Variants in COPS9 observed in about 807,000 individuals in gnomAD.
COPS9 encodes the protein COP9 signalosome subunit 9.
In COPS9, 8 loss-of-function variants were observed where a neutral mutation model predicts 7.2. The ratio of observed to expected loss-of-function variants is 1.11; its 90% confidence interval spans 0.65 to 2.00. COPS9 has a LOEUF of 2.00. COPS9 is among the 30% of genes most tolerant of loss of function. The pLI, the probability that COPS9 is intolerant of heterozygous loss-of-function variation, is 0.00. For missense variants in COPS9, 74 were observed against 77.7 expected, an observed-to-expected ratio of 0.95 and a Z score of 0.18; for synonymous variants, 39 against 28.7, an observed-to-expected ratio of 1.36 and a Z score of -1.14.
chr2:240,131,873 G>A (rs539182355), intron 2 of COPS9, among the ~76,000 whole-genome samples: 2 of 152,302 alleles, frequency 1.3e-5, no homozygotes, highest in East Asian at 3.9e-4. Context: ...ACTCCTGGAG[G>A]GTCAGAGCGA....
intron 1 of COPS9, among the ~76,000 whole-genome samples, chr2:240,135,707 G>T (rs957950417): frequency 6.6e-6 from 1 of 152,190 alleles, no homozygotes; most frequent in Non-Finnish European, 1.5e-5. Context: ...CTCCTTTTCC[G>T]CTCCGACAGG....
At chr2:240,129,961 C>T, downstream of COPS9, 1 of 1,614,036 alleles carries the variant, frequency 6.2e-7, no homozygotes, top group Non-Finnish European at 8.5e-7. Flanking sequence ...ACCCCGTGCT[C>T]CGACTGCCCT....
At chr2:240,134,899 C>T (rs1170984977) in intron 1 of COPS9, among the ~76,000 whole-genome samples, 1 of 152,156 alleles carries the variant, frequency 6.6e-6, no homozygotes, top group African/African-American at 2.4e-5. Context: ...TTTTTCTACC[C>T]TCTCACCCGT....
rs980223834 is a variant in COPS9, at chr2:240,131,022, C to T, written c.*29G>A. The T allele has an allele frequency of 1.2e-6, 2 of 1,611,794 alleles. No homozygotes were observed. The highest frequency in any genetic ancestry group is 1.7e-5 in the Admixed American group (1 of 59,784). On this transcript the variant is annotated 3_prime_UTR_variant, in exon 3 of 3. Coordinates refer to ENST00000607357, the MANE Select transcript of COPS9 (RefSeq NM_001163424.2). ...TCACACTGCGGCTCTGTACCAAGGG[C>T]TTGGCCCCGCCTGCAGCCAGAGGGC...
chr2:240,129,728 G>A (rs577347249), downstream of COPS9, among the ~76,000 whole-genome samples: 6 of 152,200 alleles, frequency 3.9e-5, no homozygotes, highest in Non-Finnish European at 7.3e-5. Context: ...CAACTCTCAC[G>A]AAATGAATTG....
chr2:240,129,799 C>T (rs2071902143), downstream of COPS9: 5 of 879,926 alleles, frequency 5.7e-6, no homozygotes, highest in Admixed American at 4.3e-5. Context: ...CACGCCTGGC[C>T]GCTGGAAACC....
At chr2:240,134,083 C>A in intron 1 of COPS9, 78 bp from the exon 2 acceptor site, 4 of 1,328,902 alleles carry the variant, frequency 3.0e-6, no homozygotes, top group South Asian at 1.2e-5. Flanking sequence ...AGGGCCACTA[C>A]CCCCACAAAA....
chr2:240,130,150 G>A, downstream of COPS9: 1 of 719,816 alleles, frequency 1.4e-6, no homozygotes, highest in Non-Finnish European at 2.3e-6. Context: ...CTGGCCTCCA[G>A]TACAAATGTC....
At chr2:240,131,110 C>CGTAGTTACACCTACAAGG (rs774424389) in intron 2 of COPS9, 22 bp from the exon 3 acceptor site, 2 of 1,610,402 alleles carry the variant, frequency 1.2e-6, no homozygotes, top group Non-Finnish European at 1.7e-6. Flanking sequence ...AGCAAAACCA[C>CGTAGTTACACCTACAAGG]GTAGTTACAC....
chr2:240,133,008 C>T (rs980054879), intron 2 of COPS9, among the ~76,000 whole-genome samples: 2 of 152,236 alleles, frequency 1.3e-5, no homozygotes, highest in African/African-American at 4.8e-5. Flanking sequence ...AAAGCCTGCA[C>T]CCCAACTCAG....
In COPS9 at chr2:240,132,392, T is replaced by G. The variant is rs1207092844; in HGVS notation, c.137-1304A>C. ...CAAAGTAAATGGCTTCTTGAACACA[T>G]GGGGTTGTCACAACCTGATGGGACA... On this transcript the variant is annotated intron_variant, in intron 2 of 2. Transcript: ENST00000607357. This position sits in a 1 kb window ranked among gnomAD's most constrained non-coding sequence, Gnocchi z 4.1. Among the ~76,000 whole-genome samples the G allele has an allele frequency of 1.3e-5, 2 of 152,074 alleles. No homozygotes were observed. Among genetic ancestry groups the G allele is most frequent in the Non-Finnish European group, 2.9e-5 (2 of 68,002 alleles).
chr2:240,131,974 A>C (rs2071927581), intron 2 of COPS9, among the ~76,000 whole-genome samples: 1 of 152,046 alleles, frequency 6.6e-6, no homozygotes, highest in Admixed American at 6.6e-5. Flanking sequence ...GAGGGTCCCG[A>C]CGCTCCCCAG....
At chr2:240,126,554 C>T (rs769515813), downstream of COPS9, 18 of 1,609,058 alleles carry the variant, frequency 1.1e-5, no homozygotes, top group Non-Finnish European at 1.5e-5. Flanking sequence ...ACACACACCT[C>T]TCTGCATCCT....
At chr2:240,130,649 C>T (rs114125057), downstream of COPS9, among the ~76,000 whole-genome samples, 4,592 of 152,326 alleles carry the variant, frequency 0.03, 152 homozygotes, top group Admixed American at 0.1. Flanking sequence ...GTGCACGGGC[C>T]GCGCTGCCTC....
downstream of COPS9, among the ~76,000 whole-genome samples, chr2:240,127,901 C>T (rs530356193): frequency 1.3e-5 from 2 of 152,234 alleles, no homozygotes; most frequent in African/African-American, 2.4e-5. Context: ...ATTCACTGCC[C>T]CCCAAGTGAC....
intron 1 of COPS9, chr2:240,135,986 G>T: frequency 3.3e-6 from 2 of 606,290 alleles, no homozygotes; most frequent in Non-Finnish European, 5.2e-6. Context: ...CCCTCAGGCT[G>T]CGCCTCCTGG....
intron 2 of COPS9, among the ~76,000 whole-genome samples, chr2:240,133,009 C>G (rs1054796681): frequency 6.6e-6 from 1 of 152,212 alleles, no homozygotes; most frequent in African/African-American, 2.4e-5. Context: ...AAGCCTGCAC[C>G]CCAACTCAGC....
chr2:240,130,795 CT>C, downstream of COPS9: 1 of 1,368,778 alleles, frequency 7.3e-7, no homozygotes, highest in Non-Finnish European at 9.4e-7. Flanking sequence ...GCAACATTCA[CT>C]CATAAGTGCA....
chr2:240,130,705 G>A (rs967530894), downstream of COPS9: 13 of 892,192 alleles, frequency 1.5e-5, no homozygotes, highest in African/African-American at 2.3e-4. Context: ...TCTGCTACCA[G>A]ACAAATGTGG....
Sources: gnomAD v4.1 joint callset for allele counts (sites outside exome capture counted in the v4.1 genomes callset) on GRCh38, gnomAD v4.1.1 for gene constraint, Gnocchi (gnomAD v3.1) non-coding constraint, MANE v1.5 for transcripts, NCBI Gene and HGNC (gene_info 2026-07-23, HGNC 2026-07-21) for gene names.